The following CYP27C1 variants were observed in gnomAD, a reference collection of about 807,000 sequenced individuals.
CYP27C1 encodes the protein cytochrome P450 27C1.
Under a neutral mutation model 40.6 loss-of-function variants are expected in CYP27C1, and 29 were observed. The ratio of observed to expected loss-of-function variants is 0.71; its 90% CI spans 0.53 to 0.97. CYP27C1 has a LOEUF of 0.97. Ranked by LOEUF, CYP27C1 falls within the 50% of genes least tolerant of loss-of-function variation. The pLI is 0.00. For missense variants in CYP27C1, 390 were observed against 485.8 expected, an observed-to-expected ratio of 0.80 and a Z score of 1.85; for synonymous variants, 198 against 186.8, an observed-to-expected ratio of 1.06 and a Z score of -0.49.
At chr2:127,198,394 GT>G (rs1682954431) in intron 5 of CYP27C1, among the ~76,000 whole-genome samples, 1 of 152,062 alleles carries the variant, frequency 6.6e-6, no homozygotes, top group African/African-American at 2.4e-5. Flanking sequence ...GGTTTTTAAT[GT>G]CTGTACCCTC....
intron 6 of CYP27C1, among the ~76,000 whole-genome samples, chr2:127,194,605 T>C (rs888217985): frequency 2.0e-5 from 3 of 152,166 alleles, no homozygotes; most frequent in Middle Eastern, 3.2e-3. Flanking sequence ...TGAGCCTCAC[T>C]GGGTGGCGTC....
rs1371999046 is a variant in CYP27C1, at chr2:127,204,467, A to G, written c.474-896T>C. ...AAGAAAGAAAGAAAGAAAGAAAGAA[A>G]GAAAGAAAGAAAGAAAGAAAGGAAG... On this transcript the variant is annotated intron_variant, in intron 2 of 8. Coordinates refer to ENST00000664447, the MANE Select transcript of CYP27C1 (RefSeq NM_001367502.1). Among the ~76,000 whole-genome samples, 732 of 83,934 alleles carry G rather than the reference A, an allele frequency of 8.7e-3. 56 individuals carry two copies. Among genetic ancestry groups the G allele is most frequent in the Middle Eastern group, 0.015 (3 of 198 alleles). The allele number at this position is 83,934 out of a possible 152,430, so 55.1% of individuals were successfully genotyped here.
rs2104684546 is a variant in CYP27C1 at position 127,199,466 on chromosome 2, T to G, written c.957A>C (p.Gly319=). Residue 319 remains glycine (G), a synonymous_variant, in exon 5 of 9, where the codon GGA becomes GGC. Coordinates refer to ENST00000664447, the MANE Select transcript of CYP27C1 (RefSeq NM_001367502.1). ...GGCTAAGGAAGAGGTATGTGAGAAGTCCCCCGCTCACCCTCCGGCCTCGGT... is the reference window on the plus strand; with the variant it reads ...GGCTAAGGAAGAGGTATGTGAGAAGGCCCCCGCTCACCCTCCGGCCTCGGT... ...QMDRGRRVSG[G]LLTYLFLSQA... 6 of 1,614,134 alleles carry G rather than the reference T, an allele frequency of 3.7e-6. No individual in the cohort carries two copies. Among genetic ancestry groups the G allele is most frequent in the Non-Finnish European group, 5.1e-6 (6 of 1,180,020 alleles).
At chr2:127,187,455 G>A (rs1196656187) in intron 8 of CYP27C1, 68 bp from the exon 9 acceptor site, 9 of 1,361,838 alleles carry the variant, frequency 6.6e-6, no homozygotes, top group Admixed American at 3.4e-5. Flanking sequence ...CTCCCTGAAT[G>A]CTTTTACTCT....
intron 8 of CYP27C1, among the ~76,000 whole-genome samples, chr2:127,190,428 T>C (rs112208867): frequency 0.12 from 17,786 of 145,022 alleles, 1,163 homozygotes; most frequent in African/African-American, 0.14. Flanking sequence ...CTGCAACCTC[T>C]GCCTCCTGGG....
chr2:127,184,552 C>G lies in CYP27C1; in HGVS notation c.*2719G>C, dbSNP rs1425891710. 1.3e-5 allele frequency: 2 copies of G among 152,118 alleles called. No homozygotes were observed. Among genetic ancestry groups the G allele is most frequent in the African/African-American group, 2.4e-5 (1 of 41,372 alleles). 9.4% of individuals were successfully genotyped at this position (152,118 alleles called of 1,614,324 possible). A position where few individuals can be genotyped will look rare whatever the true frequency, so the allele number is the denominator to read the frequency against. On this transcript the variant is annotated 3_prime_UTR_variant, in exon 9 of 9. Coordinates refer to ENST00000664447, the MANE Select transcript of CYP27C1 (RefSeq NM_001367502.1). ...TCAGCCTCCCAAGTAGCTGGAATTACAGAAGCCCGCCACCATGCCTGGATA... is the reference window on the plus strand; with the variant it reads ...TCAGCCTCCCAAGTAGCTGGAATTAGAGAAGCCCGCCACCATGCCTGGATA...
At chr2:127,211,382 T>G (rs768118223) in intron 1 of CYP27C1, among the ~76,000 whole-genome samples, 9,705 of 131,722 alleles carry the variant, frequency 0.074, 482 homozygotes, top group Admixed American at 0.093. Context: ...TTTTTTTTTT[T>G]TTTTTTTTTT....
chr2:127,201,411 CT>C lies in CYP27C1; in HGVS notation c.674-81del. ...AGGCAATGTTGGGCCATAAATGCAA[CT>C]TTCAAACGTGGTCCAGGTGCCTTTC... is the stretch of plus-strand genomic sequence containing the variant. On this transcript the variant is annotated intron_variant, in intron 3 of 8. Transcript: ENST00000664447. This position sits in a 1 kb window ranked among gnomAD's most constrained non-coding sequence, Gnocchi z 6.0. The C allele has an allele frequency of 1.4e-6, 2 of 1,394,868 alleles. No homozygotes were observed. Among genetic ancestry groups the C allele is most frequent in the South Asian group, 2.5e-5 (2 of 78,568 alleles). 86.4% of individuals were successfully genotyped at this position (1,394,868 alleles called of 1,614,324 possible).
chr2:127,187,503 T>C lies in CYP27C1; in HGVS notation c.1498-116A>G, dbSNP rs545942287. 1.7e-4 allele frequency: 142 copies of C among 828,446 alleles called. 1 individual carries two copies. In the African/African-American group the frequency reaches 2.1e-3, roughly 13 times the overall value. The allele number at this position is 828,446 out of a possible 1,614,324, so 51.3% of individuals were successfully genotyped here. ...ACTGGGCTGCAGAGAGCGCAGGCAA[T>C]GAGCACCCACATCCAGCTTTTGGAG... is the stretch of plus-strand genomic sequence containing the variant. On this transcript the variant is annotated intron_variant, in intron 8 of 8. Coordinates refer to ENST00000664447, the MANE Select transcript of CYP27C1 (RefSeq NM_001367502.1).
Position 127,187,021 on chromosome 2 carries a change from T to G in CYP27C1, c.*250A>C, listed in dbSNP as rs1436696235. Reference sequence around the variant, plus strand: ...CAATGTATGAAGCATAAAAATTCACTGCCACTGGTTTTTAAACAGCTGTTT... The same window carrying G: ...CAATGTATGAAGCATAAAAATTCACGGCCACTGGTTTTTAAACAGCTGTTT... On this transcript the variant is annotated 3_prime_UTR_variant, in exon 9 of 9. Coordinates refer to ENST00000664447, the MANE Select transcript of CYP27C1 (RefSeq NM_001367502.1). The G allele has an allele frequency of 4.3e-6, 2 of 464,048 alleles. No individual in the cohort carries two copies. The highest frequency in any genetic ancestry group is 3.5e-5 in the Admixed American group (1 of 28,762). The allele number at this position is 464,048 out of a possible 1,614,324, so 28.7% of individuals were successfully genotyped here.
chr2:127,205,659 C>G, intron 2 of CYP27C1: 1 of 985,448 alleles, frequency 1.0e-6, no homozygotes, highest in Non-Finnish European at 1.2e-6. Flanking sequence ...CTCTGCCCAC[C>G]ACGGAGCCAG....
intron 1 of CYP27C1, among the ~76,000 whole-genome samples, chr2:127,211,309 A>G (rs150518209): frequency 0.011 from 1,730 of 151,700 alleles, 35 homozygotes; most frequent in African/African-American, 0.04. Flanking sequence ...TTTGAAACCA[A>G]TGAGAACAAA....
chr2:127,204,261 ATCTC>A, intron 2 of CYP27C1, among the ~76,000 whole-genome samples: 1 of 135,430 alleles, frequency 7.4e-6, no homozygotes. Context: ...GCGAAACTCC[ATCTC>A]AAAAAAAAAA....
chr2:127,204,686 G>A (rs999025713), intron 2 of CYP27C1, among the ~76,000 whole-genome samples: 2 of 152,244 alleles, frequency 1.3e-5, no homozygotes, highest in Admixed American at 6.5e-5. Context: ...TGTTACCAGG[G>A]TGTGGGGCCT....
rs1446684150 is a variant in CYP27C1, at chr2:127,208,055, C to A, written c.283-1965G>T. ...AAAAAAGAACAAAGCTGGTGGACCC[C>A]CATTTTCCTGTTTCAAGACTTAGTA... On this transcript the variant is annotated intron_variant, in intron 1 of 8. Transcript: ENST00000664447. The surrounding 1 kb of genome is among the most constrained non-coding windows in gnomAD (Gnocchi z 5.2). Among the ~76,000 whole-genome samples, 1 of 152,134 alleles carries A rather than the reference C, an allele frequency of 6.6e-6. No individual in the cohort carries two copies. The highest frequency in any genetic ancestry group is 1.9e-4 in the East Asian group (1 of 5,196).
In CYP27C1 at chr2:127,184,820, T is replaced by A. The variant is rs991535797; in HGVS notation, c.*2451A>T. The A allele has an allele frequency of 3.9e-5, 6 of 152,190 alleles. No individual in the cohort carries two copies. Among genetic ancestry groups the A allele is most frequent in the African/African-American group, 1.4e-4 (6 of 41,394 alleles). The allele number at this position is 152,190 out of a possible 1,614,324, so 9.4% of individuals were successfully genotyped here. A position where few individuals can be genotyped will look rare whatever the true frequency, so the allele number is the denominator to read the frequency against. Reference sequence around the variant, plus strand: ...TTTTGCTGACTGCATCCCCATGGAGTTTGTTTGTGTGTTTGTTTGTTATGA... The same window carrying A: ...TTTTGCTGACTGCATCCCCATGGAGATTGTTTGTGTGTTTGTTTGTTATGA... On this transcript the variant is annotated 3_prime_UTR_variant, in exon 9 of 9. Coordinates refer to ENST00000664447, the MANE Select transcript of CYP27C1 (RefSeq NM_001367502.1).
chr2:127,216,270 C>T (rs1683428415), intron 1 of CYP27C1, among the ~76,000 whole-genome samples: 1 of 152,130 alleles, frequency 6.6e-6, no homozygotes, highest in Admixed American at 6.5e-5. Context: ...TTCATTACGG[C>T]TAAAAGGTGG....
In CYP27C1 at chr2:127,195,336, T is replaced by G; in HGVS notation, c.1213A>C (p.Arg405=). ...GACGGATTCTGGCGAGCCTTTTACC[T>G]CAGGGTTTCCTTAAGGAGAGCTCTG... ...LVRALLKETL[R]LFPVLPGNGR... The change falls in exon 6 of 9, where the codon AGG becomes CGG. Residue 405 remains arginine, a splice_region_variant and synonymous_variant. Coordinates refer to ENST00000664447, the MANE Select transcript of CYP27C1 (RefSeq NM_001367502.1). The surrounding 1 kb of genome is among the most constrained non-coding windows in gnomAD (Gnocchi z 6.2). 6.2e-7 allele frequency: 1 copy of G among 1,614,056 alleles called. No individual in the cohort carries two copies. The highest frequency in any genetic ancestry group is 8.5e-7 in the Non-Finnish European group (1 of 1,179,988).
Position 127,186,600 on chromosome 2 carries a change from C to G in CYP27C1, c.*671G>C, listed in dbSNP as rs1039174366. The stretch of plus-strand genomic sequence containing the variant: ...TATTTTTGGTAGAGACAGGGTTTCA[C>G]CATGTTGCTCAGGCTGGTCTCGAAC... On this transcript the variant is annotated 3_prime_UTR_variant, in exon 9 of 9. Transcript: ENST00000664447. The surrounding 1 kb of genome is among the most constrained non-coding windows in gnomAD (Gnocchi z 4.5). 1 of 152,166 alleles carries G rather than the reference C, an allele frequency of 6.6e-6. No homozygotes were observed. The highest frequency in any genetic ancestry group is 1.5e-5 in the Non-Finnish European group (1 of 68,126). The allele number at this position is 152,166 out of a possible 1,614,324, so 9.4% of individuals were successfully genotyped here. A position where few individuals can be genotyped will look rare whatever the true frequency, so the allele number is the denominator to read the frequency against.
Sources: allele counts gnomAD v4.1 joint callset (sites outside exome capture counted in the v4.1 genomes callset), GRCh38; gene constraint gnomAD v4.1.1; non-coding constraint Gnocchi (gnomAD v3.1); transcripts MANE v1.5; gene names NCBI Gene and HGNC (gene_info 2026-07-23, HGNC 2026-07-21).